AGBL4: variants seen among roughly 807,000 people sequenced by gnomAD.
AGBL4 encodes AGBL carboxypeptidase 4.
Under a neutral mutation model 66.4 loss-of-function variants are expected in AGBL4, and 58 were observed. The observed-to-expected ratio is 0.87, with a 90% confidence interval of 0.71 to 1.09. AGBL4 has a LOEUF of 1.09. Among genes scored for constraint, AGBL4 ranks in the 50% least tolerant of loss-of-function variants. The pLI, the probability that AGBL4 is intolerant of heterozygous loss-of-function variation, is 0.00. For missense variants in AGBL4, 579 were observed against 631.0 expected, an observed-to-expected ratio of 0.92 and a Z score of 0.88; for synonymous variants, 234 against 222.9, an observed-to-expected ratio of 1.05 and a Z score of -0.44.
chr1:48,960,270 G>A (rs1432910593), intron 5 of AGBL4, among the ~76,000 whole-genome samples: 1 of 152,140 alleles, frequency 6.6e-6, no homozygotes, highest in Non-Finnish European at 1.5e-5. Flanking sequence ...AAAATTATTA[G>A]CGTTGCCATT....
At chr1:49,646,451 C>A (rs1339751624) in intron 3 of AGBL4, among the ~76,000 whole-genome samples, 1 of 151,796 alleles carries the variant, frequency 6.6e-6, no homozygotes, top group Admixed American at 6.6e-5. Flanking sequence ...CATTAAAATA[C>A]AAAATAACTT....
At chr1:49,417,652 G>A (rs924223148) in intron 3 of AGBL4, among the ~76,000 whole-genome samples, 1 of 152,036 alleles carries the variant, frequency 6.6e-6, no homozygotes, top group African/African-American at 2.4e-5. Flanking sequence ...AACAAGAAAT[G>A]GGGTTTTTGA....
rs3054587 is a variant in AGBL4 at position 49,367,727 on chromosome 1, CTTAA to C, written c.283-121867_283-121864del. ...GACGGAGGAAGAAAAAAATGTTTTT[CTTAA>C]TTAATCACTTTTTATGTTTTTATTG... On this transcript the variant is annotated intron_variant, in intron 3 of 13. Transcript: ENST00000371839. 5.8e-3 allele frequency among the ~76,000 whole-genome samples: 889 copies of C among 152,206 alleles called. 10 individuals carry two copies. The highest frequency in any genetic ancestry group is 0.02 in the African/African-American group (848 of 41,528).
intron 6 of AGBL4, among the ~76,000 whole-genome samples, chr1:48,794,530 C>G (rs1413510719): frequency 1.3e-5 from 2 of 152,218 alleles, no homozygotes. Flanking sequence ...TAGCCTTTGC[C>G]TCTACCGAAC....
chr1:48,997,505 T>C (rs993740063), intron 5 of AGBL4, among the ~76,000 whole-genome samples: 2 of 152,170 alleles, frequency 1.3e-5, no homozygotes, highest in African/African-American at 4.8e-5. Context: ...ACACGCAGCA[T>C]ACAATAGGCA....
At chr1:49,228,574 A>G (rs1295125314) in intron 4 of AGBL4, among the ~76,000 whole-genome samples, 1 of 152,220 alleles carries the variant, frequency 6.6e-6, no homozygotes, top group Non-Finnish European at 1.5e-5. Flanking sequence ...AAAGGCCATA[A>G]GGCAGGATTG....
At chr1:48,819,077 C>G (rs977749958) in intron 6 of AGBL4, among the ~76,000 whole-genome samples, 3 of 152,170 alleles carry the variant, frequency 2.0e-5, no homozygotes, top group African/African-American at 7.2e-5. Flanking sequence ...AACTCTGCTG[C>G]TGTGTGAAAG....
chr1:49,167,005 C>T (rs1326749294), intron 4 of AGBL4, among the ~76,000 whole-genome samples: 1 of 152,136 alleles, frequency 6.6e-6, no homozygotes, highest in Non-Finnish European at 1.5e-5. Flanking sequence ...TGACCACACC[C>T]AATGTTTATA....
At chr1:49,244,993 A>C (rs1473563332) in intron 4 of AGBL4, among the ~76,000 whole-genome samples, 2 of 151,842 alleles carry the variant, frequency 1.3e-5, no homozygotes, top group African/African-American at 4.8e-5. Context: ...CTTACTCTTT[A>C]TGGTCTTAAC....
At chr1:48,897,619 C>G (rs1592323) in intron 5 of AGBL4, among the ~76,000 whole-genome samples, 51,721 of 151,970 alleles carry the variant, frequency 0.34, 9,287 homozygotes, top group East Asian at 0.71. Context: ...GTTCTCTTTT[C>G]TCCACATCCT....
intron 3 of AGBL4, among the ~76,000 whole-genome samples, chr1:49,660,678 A>G (rs931942299): frequency 2.0e-5 from 3 of 152,216 alleles, no homozygotes; most frequent in Admixed American, 1.3e-4. Context: ...ACTATTCACA[A>G]TAACAAAGAT....
At chr1:49,748,142 C>T (rs967603767) in intron 2 of AGBL4, among the ~76,000 whole-genome samples, 1 of 152,110 alleles carries the variant, frequency 6.6e-6, no homozygotes, top group South Asian at 2.1e-4. Flanking sequence ...GGTATTTCTC[C>T]TAATGCTATC....
At chr1:49,123,198 T>C (rs1645695911) in intron 4 of AGBL4, among the ~76,000 whole-genome samples, 1 of 152,196 alleles carries the variant, frequency 6.6e-6, no homozygotes, top group South Asian at 2.1e-4. Context: ...TATTATAGTA[T>C]CGTATTATTT....
chr1:49,147,029 G>T (rs2148110953), intron 4 of AGBL4, among the ~76,000 whole-genome samples: 1 of 152,310 alleles, frequency 6.6e-6, no homozygotes, highest in South Asian at 2.1e-4. Flanking sequence ...AAGCAGAAAA[G>T]CCAAGGGAGC....
intron 6 of AGBL4, among the ~76,000 whole-genome samples, chr1:48,792,393 C>G (rs1436793747): frequency 2.6e-5 from 4 of 152,140 alleles, no homozygotes; most frequent in African/African-American, 7.2e-5. Context: ...CAGTTTGTGG[C>G]ATCCCTAGGA....
At chr1:48,895,664 T>C (rs1487197341) in intron 5 of AGBL4, among the ~76,000 whole-genome samples, 1 of 152,138 alleles carries the variant, frequency 6.6e-6, no homozygotes, top group Non-Finnish European at 1.5e-5. Context: ...AGCTTATCAC[T>C]CCCTACCTTG....
chr1:49,771,508 A>T (rs552781310), intron 2 of AGBL4, among the ~76,000 whole-genome samples: 1 of 152,200 alleles, frequency 6.6e-6, no homozygotes, highest in South Asian at 2.1e-4. Flanking sequence ...TATTAGGTCC[A>T]TTTGGTTTCT....
chr1:49,425,199 T>C (rs1273679636), intron 3 of AGBL4, among the ~76,000 whole-genome samples: 1 of 152,210 alleles, frequency 6.6e-6, no homozygotes, highest in Non-Finnish European at 1.5e-5. Flanking sequence ...ACTTACATAA[T>C]AATTCTAAAA....
chr1:49,381,409 T>G (rs1256242379), intron 3 of AGBL4, among the ~76,000 whole-genome samples: 1 of 152,194 alleles, frequency 6.6e-6, no homozygotes, highest in Non-Finnish European at 1.5e-5. Context: ...GACTGTAAAC[T>G]AGTTCAATCA....
Sources: allele counts gnomAD v4.1 joint callset (sites outside exome capture counted in the v4.1 genomes callset), GRCh38; gene constraint gnomAD v4.1.1; transcripts MANE v1.5; gene names NCBI Gene and HGNC (gene_info 2026-07-23, HGNC 2026-07-21).